Variants in ZNF746 observed in about 807,000 individuals in gnomAD.
The protein encoded by ZNF746 is zinc finger protein 746, also known as parkin-interacting substrate.
A neutral mutation model predicts 41.0 loss-of-function variants in ZNF746; 13 were observed. The ratio of observed to expected loss-of-function variants is 0.32; its 90% CI spans 0.21 to 0.50. ZNF746 has a LOEUF of 0.50. ZNF746 is among the 20% of genes least tolerant of loss of function. The pLI is 0.98. For synonymous variants in ZNF746, 424 were observed against 396.2 expected (o/e 1.07, Z -0.83); for missense variants, 811 against 922.9 (o/e 0.88, Z 1.57).
chr7:149,497,154 G>A lies in ZNF746; in HGVS notation c.24+359C>T, dbSNP rs546641995. The A allele has an allele frequency of 1.0e-6, 1 of 985,380 alleles. No individual in the cohort carries two copies. Among genetic ancestry groups the A allele is most frequent in the African/African-American group, 1.7e-5 (1 of 57,354 alleles). 61.0% of individuals were successfully genotyped at this position (985,380 alleles called of 1,614,324 possible). On this transcript the variant is annotated intron_variant, in intron 1 of 6. Coordinates refer to ENST00000458143, the MANE Select transcript of ZNF746 (RefSeq NM_001394198.1). This position sits in a 1 kb window ranked among gnomAD's most constrained non-coding sequence, Gnocchi z 4.2. ...AGGCCGCTGCGGGGGAGATGGAGAG[G>A]GACCTACAGGCCGAGCGCCAGGCAG...
At position 149,475,231 on chromosome 7, in the gene ZNF746, G is replaced by C; in HGVS notation, c.1136C>G (p.Ala379Gly). The C allele has an allele frequency of 6.2e-7, 1 of 1,613,146 alleles. No individual in the cohort carries two copies. The highest frequency in any genetic ancestry group is 8.5e-7 in the Non-Finnish European group (1 of 1,179,756). ...RDMGELSPAV[A>G]QEETPPGDWL... Reference sequence around the variant, plus strand: ...GTCCCCAGGAGGGGTCTCCTCCTGGGCCACAGCAGGACTGAGCTCACCCAT... The same window carrying C: ...GTCCCCAGGAGGGGTCTCCTCCTGGCCCACAGCAGGACTGAGCTCACCCAT... The change falls in exon 7 of 7, where the codon GCC (alanine) becomes GGC (glycine). Residue 379 changes from alanine (A) to glycine (G), a missense_variant. Physicochemically the swap from Ala to Gly is moderately conservative, Grantham distance 60. Coordinates refer to ENST00000458143, the MANE Select transcript of ZNF746 (RefSeq NM_001394198.1).
chr7:149,491,077 G>T (rs894148221), intron 4 of ZNF746: 1 of 152,790 alleles, frequency 6.5e-6, no homozygotes, highest in East Asian at 1.9e-4. Flanking sequence ...GTGAGGAGAA[G>T]GGGAGGTGAG....
Position 149,475,628 on chromosome 7 carries a change from G to C in ZNF746, c.884-145C>G, listed in dbSNP as rs375299866. The stretch of plus-strand genomic sequence containing the variant: ...GCTGAGCCCAGAGGGCAGCTCAGCA[G>C]AGCAGCCTGGTGGCTGTGAGGCTGC... On this transcript the variant is annotated intron_variant, in intron 6 of 6. Transcript: ENST00000458143. 1,941 of 1,360,430 alleles carry C rather than the reference G, an allele frequency of 1.4e-3. 2 individuals are homozygous for C. Among genetic ancestry groups the C allele is most frequent in the Non-Finnish European group, 1.7e-3 (1,682 of 1,011,414 alleles). The allele number at this position is 1,360,430 out of a possible 1,614,324, so 84.3% of individuals were successfully genotyped here. A position where few individuals can be genotyped will look rare whatever the true frequency, so the allele number is the denominator to read the frequency against.
chr7:149,488,165 A>G (rs1725066487), intron 4 of ZNF746: 1 of 152,260 alleles, frequency 6.6e-6, no homozygotes, highest in African/African-American at 2.4e-5. Flanking sequence ...ACATTCAGCA[A>G]ACTTTGTTGG....
rs1046140 is a variant in ZNF746 at position 149,473,145 on chromosome 7, C to T, written c.*1239G>A. On this transcript the variant is annotated 3_prime_UTR_variant, in exon 7 of 7. Coordinates refer to ENST00000458143, the MANE Select transcript of ZNF746 (RefSeq NM_001394198.1). ...CACTTGGCCCCCAAACCCAGCCTCGCGAGCTGTGCCCTCTGAGAGTGCACA... is the reference window on the plus strand; with the variant it reads ...CACTTGGCCCCCAAACCCAGCCTCGTGAGCTGTGCCCTCTGAGAGTGCACA... The T allele has an allele frequency of 0.21, 32,538 of 151,888 alleles. 3,791 individuals are homozygous for T. The highest frequency in any genetic ancestry group is 0.34 in the Middle Eastern group (101 of 294). 9.4% of individuals were successfully genotyped at this position (151,888 alleles called of 1,614,324 possible).
In ZNF746 at chr7:149,474,674, C is replaced by T; in HGVS notation, c.1693G>A (p.Glu565Lys). 6.2e-7 allele frequency: 1 copy of T among 1,612,936 alleles called. No homozygotes were observed. The highest frequency in any genetic ancestry group is 8.5e-7 in the Non-Finnish European group (1 of 1,179,676). The change falls in exon 7 of 7, where the codon GAA becomes AAA. Residue 565 changes from glutamate (E) to lysine (K), a missense_variant. By Grantham distance (56) the Glu-to-Lys change is moderately conservative. Around this residue, in one of 4 missense-constraint regions of ZNF746, gnomAD observed 70 missense variants for 127.6 expected, o/e 0.55. Transcript: ENST00000458143. This position sits in a 1 kb window ranked among gnomAD's most constrained non-coding sequence, Gnocchi z 6.3. The part of the protein sequence containing the change: ...PCTECEKRFT[E>K]RSKLIDHYRT... ...TAGTGGTCGATGAGCTTGGAGCGTT[C>T]GGTGAAGCGCTTCTCACACTCGGTG...
intron 4 of ZNF746, among the ~76,000 whole-genome samples, chr7:149,487,204 GA>G (rs1800655109): frequency 6.6e-6 from 1 of 152,186 alleles, no homozygotes; most frequent in South Asian, 2.1e-4. Context: ...CCCATTGGTG[GA>G]AAAATTGTCT....
In ZNF746 at chr7:149,477,051, C is replaced by G. The variant is rs201799911; in HGVS notation, c.758-4G>C. 29 of 1,611,070 alleles carry G rather than the reference C, an allele frequency of 1.8e-5. No homozygotes were observed. In the South Asian group the frequency reaches 2.1e-4, roughly 12 times the overall value. On this transcript the variant is annotated splice_region_variant and splice_polypyrimidine_tract_variant and intron_variant, in intron 5 of 6. Transcript: ENST00000458143. ...GTGGAAAAGTTGGAATGGACACCTG[C>G]GGTAAGGGGAGAGCAGAGCCGGTGG... is the stretch of plus-strand genomic sequence containing the variant.
Position 149,474,426 on chromosome 7 carries a change from A to C in ZNF746, c.1941T>G (p.Cys647Trp), listed in dbSNP as rs776101631. The change falls in exon 7 of 7, where the codon TGT becomes TGG. Residue 647 changes from cysteine to tryptophan, a missense_variant. Coordinates refer to ENST00000458143, the MANE Select transcript of ZNF746 (RefSeq NM_001394198.1). The surrounding 1 kb of genome is among the most constrained non-coding windows in gnomAD (Gnocchi z 6.3). ...ASTDLVTDWTCGLSVLGPTDG... is the reference protein window; with the variant it reads ...ASTDLVTDWTWGLSVLGPTDG... ...CGGTGGGTCCCAGGACGCTGAGGCC[A>C]CAAGTCCAGTCGGTCACAAGGTCTG... 2 of 1,611,048 alleles carry C rather than the reference A, an allele frequency of 1.2e-6. No individual in the cohort carries two copies. Among genetic ancestry groups the C allele is most frequent in the Non-Finnish European group, 1.7e-6 (2 of 1,178,812 alleles).
chr7:149,486,831 T>C (rs934901315), intron 4 of ZNF746, among the ~76,000 whole-genome samples: 1 of 152,184 alleles, frequency 6.6e-6, no homozygotes, highest in African/African-American at 2.4e-5. Context: ...ATGCTGGGTG[T>C]TGGGAATATG....
intron 5 of ZNF746, 74 bp from the exon 6 acceptor site, chr7:149,477,121 G>A: frequency 6.6e-7 from 1 of 1,509,486 alleles, no homozygotes; most frequent in Non-Finnish European, 8.9e-7. Context: ...GGGGAGGAGA[G>A]CAGGCTAAAC....
chr7:149,485,825 G>A (rs975980658), intron 4 of ZNF746, among the ~76,000 whole-genome samples: 7 of 151,788 alleles, frequency 4.6e-5, no homozygotes, highest in Non-Finnish European at 8.8e-5. Flanking sequence ...GATCACTTGA[G>A]GTCAGGAGTT....
At chr7:149,486,789 G>A (rs1394085586) in intron 4 of ZNF746, among the ~76,000 whole-genome samples, 3 of 152,190 alleles carry the variant, frequency 2.0e-5, no homozygotes, top group Non-Finnish European at 4.4e-5. Context: ...GGGAGGACGG[G>A]GGTCCAAGAG....
chr7:149,478,126 C>T (rs1800375231), intron 4 of ZNF746, among the ~76,000 whole-genome samples: 1 of 141,796 alleles, frequency 7.1e-6, no homozygotes, highest in East Asian at 2.4e-4. Context: ...CTTCCCCCCT[C>T]ATATATTTAA....
At position 149,474,441 on chromosome 7, in the gene ZNF746, C is replaced by T; in HGVS notation, c.1926G>A (p.Val642=). The change falls in exon 7 of 7, where the codon GTG becomes GTA. Residue 642 remains valine, a synonymous_variant. Transcript: ENST00000458143. The surrounding 1 kb of genome is among the most constrained non-coding windows in gnomAD (Gnocchi z 6.3). ...SKGPLASTDL[V]TDWTCGLSVL... ...CGCTGAGGCCACAAGTCCAGTCGGT[C>T]ACAAGGTCTGTGGAGGCCAAAGGTC... 1.9e-6 allele frequency: 3 copies of T among 1,611,564 alleles called. No individual in the cohort carries two copies. Among genetic ancestry groups the T allele is most frequent in the Non-Finnish European group, 2.5e-6 (3 of 1,178,966 alleles).
intron 4 of ZNF746, among the ~76,000 whole-genome samples, chr7:149,482,179 G>A (rs987760132): frequency 1.3e-5 from 2 of 152,194 alleles, no homozygotes; most frequent in African/African-American, 4.8e-5. Flanking sequence ...AGTAGCTACA[G>A]GTGGATAGTG....
chr7:149,495,543 C>T (rs1182580632), intron 1 of ZNF746, among the ~76,000 whole-genome samples: 1 of 152,182 alleles, frequency 6.6e-6, no homozygotes, highest in Non-Finnish European at 1.5e-5. Context: ...GAATGTGGGA[C>T]CTACAGGGCA....
rs1800895243 is a variant in ZNF746, at chr7:149,493,907, G to A, written c.451+82C>T. 16 of 1,606,542 alleles carry A rather than the reference G, an allele frequency of 1.0e-5. No homozygotes were observed. The Admixed American group carries it at 1.3e-4, about 13-fold the overall frequency. On this transcript the variant is annotated intron_variant, in intron 3 of 6. Coordinates refer to ENST00000458143, the MANE Select transcript of ZNF746 (RefSeq NM_001394198.1). ...TGTTTCTGGTGATTTATATAACACTGACATGAAAACAACTATGTGGAGGGA... is the reference window on the plus strand; with the variant it reads ...TGTTTCTGGTGATTTATATAACACTAACATGAAAACAACTATGTGGAGGGA...
intron 1 of ZNF746, among the ~76,000 whole-genome samples, chr7:149,496,673 C>G (rs1361288975): frequency 6.6e-6 from 1 of 152,156 alleles, no homozygotes. Flanking sequence ...TCCTAGCCTT[C>G]CCTAAAAGCC....
Sources: gnomAD v4.1 joint callset for allele counts (sites outside exome capture counted in the v4.1 genomes callset) on GRCh38, gnomAD v4.1.1 for gene constraint, gnomAD v4.1.1 regional missense constraint, Gnocchi (gnomAD v3.1) non-coding constraint, MANE v1.5 for transcripts, NCBI Gene and HGNC (gene_info 2026-07-23, HGNC 2026-07-21) for gene names.